The following SMCO4 variants were observed in gnomAD, a reference collection of about 807,000 sequenced individuals.
SMCO4 encodes single-pass membrane and coiled-coil domain-containing protein 4.
In SMCO4, 4 loss-of-function variants were observed where a neutral mutation model predicts 3.6. That is an observed-to-expected ratio of 1.11 (90% CI 0.54 to 2.53). The LOEUF is 2.53. Ranked by LOEUF, SMCO4 falls within the 30% of genes most tolerant of loss-of-function variation. SMCO4 has a pLI of 0.02. For synonymous variants in SMCO4, 36 were observed against 35.3 expected (o/e 1.02, Z -0.07); for missense variants, 70 against 80.8 (o/e 0.87, Z 0.51).
At chr11:93,552,514 C>A in the SMCO4 span, among the ~76,000 whole-genome samples, 2 of 149,860 alleles carry the variant, frequency 1.3e-5, no homozygotes, top group African/African-American at 2.4e-5. Context: ...ATCTGTTCCC[C>A]AGGCTGTAGT....
At chr11:93,490,880 C>T (rs999169581) in intron 2 of SMCO4, among the ~76,000 whole-genome samples, 2 of 152,216 alleles carry the variant, frequency 1.3e-5, no homozygotes, top group Non-Finnish European at 2.9e-5. Flanking sequence ...GAATAGGATG[C>T]TGAAGAAGGG....
At chr11:93,535,516 T>G (rs1041924705) in intron 1 of SMCO4, 2 of 1,402,832 alleles carry the variant, frequency 1.4e-6, no homozygotes, top group Admixed American at 3.4e-5. Flanking sequence ...TGACCAGACT[T>G]TTCCAGAAGT....
At chr11:93,518,119 C>T (rs1591320359) in intron 1 of SMCO4, among the ~76,000 whole-genome samples, 1 of 152,190 alleles carries the variant, frequency 6.6e-6, no homozygotes, top group African/African-American at 2.4e-5. Flanking sequence ...TTCCCTCCAG[C>T]CCCTGGAAAC....
chr11:93,494,909 A>C (rs1365130962), intron 2 of SMCO4, among the ~76,000 whole-genome samples: 1 of 152,130 alleles, frequency 6.6e-6, no homozygotes, highest in Admixed American at 6.5e-5. Context: ...TCCCCAAGGA[A>C]GGACCTGCAT....
intron 1 of SMCO4, among the ~76,000 whole-genome samples, chr11:93,516,731 T>C (rs1949011012): frequency 6.6e-6 from 1 of 151,620 alleles, no homozygotes; most frequent in Non-Finnish European, 1.5e-5. Context: ...TGAAGGTTGC[T>C]GTGAGCCGAG....
At position 93,480,254 on chromosome 11, in the gene SMCO4, G is replaced by A. The variant is rs1021055932; in HGVS notation, c.-80-985C>T. Among the ~76,000 whole-genome samples, 59 of 152,224 alleles carry A rather than the reference G, an allele frequency of 3.9e-4. 1 individual carries two copies. The highest frequency in any genetic ancestry group is 1.4e-3 in the African/African-American group (57 of 41,530). Reference sequence around the variant, plus strand: ...GACATTATGCTGTGCTGCCATAACTGGAGCCCAACTCACACTCCCAGTGTG... The same window carrying A: ...GACATTATGCTGTGCTGCCATAACTAGAGCCCAACTCACACTCCCAGTGTG... On this transcript the variant is annotated intron_variant, in intron 2 of 2. Transcript: ENST00000298966.
At chr11:93,486,137 C>T (rs1948647541) in intron 2 of SMCO4, among the ~76,000 whole-genome samples, 1 of 152,212 alleles carries the variant, frequency 6.6e-6, no homozygotes, top group Admixed American at 6.5e-5. Context: ...CAAGCGACTG[C>T]ACTAAAGCCC....
the SMCO4 span, among the ~76,000 whole-genome samples, chr11:93,552,240 T>C: frequency 7.0e-6 from 1 of 143,308 alleles, no homozygotes; most frequent in Non-Finnish European, 1.5e-5. Flanking sequence ...CACTGCAATC[T>C]CCTCCTCCAG....
intron 1 of SMCO4, among the ~76,000 whole-genome samples, chr11:93,529,760 A>T (rs1949145452): frequency 6.6e-6 from 1 of 152,262 alleles, no homozygotes; most frequent in Admixed American, 6.5e-5. Context: ...CCGACGACAC[A>T]GGCCACAGAC....
Position 93,534,375 on chromosome 11 carries a change from T to TAGAGAGAGAG in SMCO4, c.-154+8891_-154+8900dup, listed in dbSNP as rs1555079957. Among the ~76,000 whole-genome samples, 65 of 142,132 alleles carry TAGAGAGAGAG rather than the reference T, an allele frequency of 4.6e-4. 2 individuals are homozygous for TAGAGAGAGAG. The highest frequency in any genetic ancestry group is 6.7e-4 in the South Asian group (3 of 4,458). 93.2% of individuals were successfully genotyped at this position (142,132 alleles called of 152,430 possible). ...ACACATACATATATATATATATATA[T>TAGAGAGAGAG]AGAGAGAGAGAGAGAGAGAGATACA... is the stretch of plus-strand genomic sequence containing the variant. On this transcript the variant is annotated intron_variant, in intron 1 of 2. Coordinates refer to ENST00000298966, the MANE Select transcript of SMCO4 (RefSeq NM_020179.3).
At chr11:93,483,332 C>T (rs1198387290) in intron 2 of SMCO4, among the ~76,000 whole-genome samples, 1 of 152,148 alleles carries the variant, frequency 6.6e-6, no homozygotes, top group African/African-American at 2.4e-5. Context: ...CCAGGGGCTG[C>T]ACCGGGCGGC....
At position 93,478,713 on chromosome 11, in the gene SMCO4, G is replaced by GCGCACACA. The variant is rs878899435; in HGVS notation, c.*296_*297insTGTGTGCG. 4.5e-6 allele frequency: 1 copy of GCGCACACA among 222,464 alleles called. No individual in the cohort carries two copies. The highest frequency in any genetic ancestry group is 2.4e-5 in the African/African-American group (1 of 41,550). 13.8% of individuals were successfully genotyped at this position (222,464 alleles called of 1,614,324 possible). A position where few individuals can be genotyped will look rare whatever the true frequency, so the allele number is the denominator to read the frequency against. ...ATCGATTTTTAGGAGAGAAAAAGAA[G>GCGCACACA]CACACACACACACACACACACACAC... On this transcript the variant is annotated 3_prime_UTR_variant, in exon 3 of 3. Coordinates refer to ENST00000298966, the MANE Select transcript of SMCO4 (RefSeq NM_020179.3).
intron 1 of SMCO4, among the ~76,000 whole-genome samples, chr11:93,540,932 T>C (rs553911170): frequency 1.3e-5 from 2 of 152,328 alleles, no homozygotes; most frequent in South Asian, 4.1e-4. Flanking sequence ...AATTGTTTAA[T>C]AATAAAATAC....
chr11:93,498,781 C>T (rs545237740), intron 2 of SMCO4, among the ~76,000 whole-genome samples: 7 of 152,234 alleles, frequency 4.6e-5, no homozygotes, highest in Admixed American at 6.5e-5. Flanking sequence ...CAATGTGGGT[C>T]CACACAGGAG....
chr11:93,535,697 A>ATT, intron 1 of SMCO4: 3 of 1,613,594 alleles, frequency 1.9e-6, no homozygotes, highest in Non-Finnish European at 2.5e-6. Flanking sequence ...GAGGAAGTGA[A>ATT]TAAGTTTCAG....
chr11:93,494,815 C>T (rs1045470553), intron 2 of SMCO4, among the ~76,000 whole-genome samples: 16 of 152,292 alleles, frequency 1.1e-4, no homozygotes, highest in Admixed American at 6.5e-5. Flanking sequence ...AAGACAAACC[C>T]GGTCCAGTAA....
chr11:93,552,762 G>T, the SMCO4 span, among the ~76,000 whole-genome samples: 1 of 151,966 alleles, frequency 6.6e-6, no homozygotes, highest in Non-Finnish European at 1.5e-5. Context: ...GTGAGCCACC[G>T]CACCTGGCCC....
intron 1 of SMCO4, among the ~76,000 whole-genome samples, chr11:93,533,447 A>C (rs966403470): frequency 6.6e-6 from 1 of 152,190 alleles, no homozygotes; most frequent in Non-Finnish European, 1.5e-5. Context: ...TGCAGGGAAG[A>C]AGGGAAAGAA....
At chr11:93,482,801 C>T (rs983714056) in intron 2 of SMCO4, among the ~76,000 whole-genome samples, 1 of 152,214 alleles carries the variant, frequency 6.6e-6, no homozygotes, top group African/African-American at 2.4e-5. Context: ...CTTCCGGTAG[C>T]TTGTGATGAC....
Sources: allele counts gnomAD v4.1 joint callset (sites outside exome capture counted in the v4.1 genomes callset), GRCh38; gene constraint gnomAD v4.1.1; transcripts MANE v1.5; gene names NCBI Gene and HGNC (gene_info 2026-07-23, HGNC 2026-07-21).